The following MTHFD2L variants were observed in gnomAD, a reference collection of about 807,000 sequenced individuals.
MTHFD2L encodes the protein bifunctional methylenetetrahydrofolate dehydrogenase/cyclohydrolase 2, mitochondrial.
In MTHFD2L, 29 loss-of-function variants were observed where a neutral mutation model predicts 34.9. The ratio of observed to expected loss-of-function variants is 0.83; its 90% CI spans 0.62 to 1.13. The LOEUF is 1.13. MTHFD2L is among the 50% of genes most tolerant of loss of function. The pLI, the probability that MTHFD2L is intolerant of heterozygous loss-of-function variation, is 0.00. For missense variants in MTHFD2L, 481 were observed against 446.5 expected (o/e 1.08, Z -0.70); for synonymous variants, 167 against 155.7 (o/e 1.07, Z -0.54).
At chr4:74,278,697 G>C (rs1015172228) in intron 6 of MTHFD2L, among the ~76,000 whole-genome samples, 1 of 151,992 alleles carries the variant, frequency 6.6e-6, no homozygotes, top group Non-Finnish European at 1.5e-5. Context: ...GCTAGCTTGA[G>C]CTTGTTTTCA....
At chr4:74,134,864 C>G (rs1157690226) in intron 1 of MTHFD2L, among the ~76,000 whole-genome samples, 1 of 151,158 alleles carries the variant, frequency 6.6e-6, no homozygotes, top group Non-Finnish European at 1.5e-5. Context: ...ATAGGTCAAG[C>G]AGAGAAGAGA....
At chr4:74,278,868 C>A (rs1490669518) in intron 6 of MTHFD2L, among the ~76,000 whole-genome samples, 1 of 152,050 alleles carries the variant, frequency 6.6e-6, no homozygotes, top group Non-Finnish European at 1.5e-5. Context: ...CCAAATTATT[C>A]ATTAAAAATT....
At chr4:74,134,031 G>A (rs1025300973) in intron 1 of MTHFD2L, among the ~76,000 whole-genome samples, 2 of 152,154 alleles carry the variant, frequency 1.3e-5, no homozygotes, top group African/African-American at 2.4e-5. Context: ...GGCATCAGCA[G>A]TATGAAAAAT....
intron 6 of MTHFD2L, among the ~76,000 whole-genome samples, chr4:74,279,659 T>C (rs1158738356): frequency 6.6e-6 from 1 of 152,158 alleles, no homozygotes; most frequent in Non-Finnish European, 1.5e-5. Context: ...ATAACTATTT[T>C]ATGAATATTT....
At chr4:74,126,740 T>C (rs955287110) in intron 1 of MTHFD2L, among the ~76,000 whole-genome samples, 78 of 152,184 alleles carry the variant, frequency 5.1e-4, no homozygotes, top group African/African-American at 1.8e-3. Context: ...TTTATTGTCA[T>C]GTACTTGTAT....
intron 5 of MTHFD2L, among the ~76,000 whole-genome samples, chr4:74,204,453 G>T (rs551833579): frequency 1.0e-3 from 159 of 152,118 alleles, no homozygotes; most frequent in Non-Finnish European, 1.6e-3. Flanking sequence ...TTAATGATGT[G>T]ATTTTTACCT....
At chr4:74,144,921 G>A (rs904533757) in intron 1 of MTHFD2L, among the ~76,000 whole-genome samples, 3 of 152,150 alleles carry the variant, frequency 2.0e-5, no homozygotes, top group African/African-American at 7.2e-5. Flanking sequence ...AGTAAGTGCT[G>A]TAAGTGGTAT....
intron 3 of MTHFD2L, among the ~76,000 whole-genome samples, chr4:74,192,651 A>G (rs1451939726): frequency 2.0e-5 from 3 of 152,096 alleles, no homozygotes; most frequent in Non-Finnish European, 1.5e-5. Flanking sequence ...GACAGTCGCT[A>G]TCTCTTTCAT....
intron 3 of MTHFD2L, among the ~76,000 whole-genome samples, chr4:74,186,438 GA>G (rs59325238): frequency 0.11 from 9,334 of 87,672 alleles, 468 homozygotes; most frequent in African/African-American, 0.27. Flanking sequence ...GGGAATCCAT[GA>G]AAAAAAAAAA....
At chr4:74,155,068 G>A (rs2109867172), upstream of MTHFD2L, among the ~76,000 whole-genome samples, 1 of 152,236 alleles carries the variant, frequency 6.6e-6, no homozygotes, top group Admixed American at 6.5e-5. Context: ...TGGTATACAT[G>A]TATAGTCATA....
In MTHFD2L at chr4:74,192,787, A is replaced by T. The variant is rs990113393; in HGVS notation, c.452-7007A>T. Among the ~76,000 whole-genome samples the T allele has an allele frequency of 6.6e-5, 10 of 152,098 alleles. No homozygotes were observed. In the East Asian group the frequency reaches 1.9e-3, roughly 29 times the overall value. ...TTTTAAAATGTTATTTATTAAAAAT[A>T]TTATTTATCTTTTAATGATTTAACT... is the stretch of plus-strand genomic sequence containing the variant. On this transcript the variant is annotated intron_variant, in intron 3 of 7. Coordinates refer to ENST00000325278, the MANE Select transcript of MTHFD2L (RefSeq NM_001144978.3).
chr4:74,143,436 T>G, intron 1 of MTHFD2L: 1 of 985,386 alleles, frequency 1.0e-6, no homozygotes, highest in Non-Finnish European at 1.2e-6. Flanking sequence ...ATTACTCCAA[T>G]TTTCACGCTG....
chr4:74,268,620 G>A (rs772326396), intron 6 of MTHFD2L, among the ~76,000 whole-genome samples: 2 of 152,160 alleles, frequency 1.3e-5, no homozygotes, highest in Non-Finnish European at 2.9e-5. Flanking sequence ...TGTAAATATG[G>A]CGCTTCCTTT....
Position 74,228,853 on chromosome 4 carries a change from G to A in MTHFD2L, c.805+3459G>A, listed in dbSNP as rs191000380. 7.2e-5 allele frequency among the ~76,000 whole-genome samples: 11 copies of A among 152,322 alleles called. No homozygotes were observed. The East Asian group carries it at 1.7e-3, about 24-fold the overall frequency. ...TTTAGGTGTGGTGGGTGTTGAGGCT[G>A]TCCCACAAGCATCCCGCTGAGGGTA... On this transcript the variant is annotated intron_variant, in intron 6 of 7. Coordinates refer to ENST00000325278, the MANE Select transcript of MTHFD2L (RefSeq NM_001144978.3).
chr4:74,291,800 CTAT>C (rs1560566767), intron 7 of MTHFD2L, among the ~76,000 whole-genome samples: 1 of 152,170 alleles, frequency 6.6e-6, no homozygotes, highest in African/African-American at 2.4e-5. Context: ...TTTTACAAAA[CTAT>C]TATTAATCTG....
chr4:74,125,653 T>TA (rs1335821877), intron 1 of MTHFD2L: 1 of 152,148 alleles, frequency 6.6e-6, no homozygotes, highest in Non-Finnish European at 1.5e-5. Flanking sequence ...TGCTTCTATT[T>TA]AAAAGCTTTT....
At chr4:74,276,022 A>G (rs1357464784) in intron 6 of MTHFD2L, among the ~76,000 whole-genome samples, 1 of 152,124 alleles carries the variant, frequency 6.6e-6, no homozygotes, top group Non-Finnish European at 1.5e-5. Context: ...GTCTTTGTCC[A>G]TGCCTATGTC....
At chr4:74,121,545 AG>A (rs1035427621), upstream of MTHFD2L, among the ~76,000 whole-genome samples, 5 of 149,358 alleles carry the variant, frequency 3.3e-5, no homozygotes, top group Non-Finnish European at 7.4e-5. Context: ...AAACAAGCTT[AG>A]GGCTCTCACT....
At chr4:74,214,730 G>A (rs112877947) in intron 5 of MTHFD2L, among the ~76,000 whole-genome samples, 8,071 of 151,856 alleles carry the variant, frequency 0.053, 640 homozygotes, top group African/African-American at 0.14. Context: ...AGCAGAGCTC[G>A]AATGCTGTGC....
Sources: gnomAD v4.1 joint callset for allele counts (sites outside exome capture counted in the v4.1 genomes callset) on GRCh38, gnomAD v4.1.1 for gene constraint, MANE v1.5 for transcripts, NCBI Gene and HGNC (gene_info 2026-07-23, HGNC 2026-07-21) for gene names.